Variants in ZFHX3 observed in about 807,000 individuals in gnomAD.
ZFHX3 encodes the protein zinc finger homeobox protein 3.
A neutral mutation model predicts 279.1 loss-of-function variants in ZFHX3; 42 were observed. The ratio of observed to expected loss-of-function variants is 0.15; its 90% CI spans 0.12 to 0.19. The LOEUF is 0.19. Ranked by LOEUF, ZFHX3 falls within the 10% of genes least tolerant of loss-of-function variation. The pLI is 1.00. For missense variants in ZFHX3, 4,981 were observed against 4,754.0 expected (o/e 1.05, Z -1.40); for synonymous variants, 2,293 against 1,957.8 (o/e 1.17, Z -4.52).
intron 1 of ZFHX3, among the ~76,000 whole-genome samples, chr16:73,793,371 C>T (rs1411410905): frequency 3.3e-5 from 5 of 152,182 alleles, no homozygotes; most frequent in Non-Finnish European, 7.3e-5. Flanking sequence ...CTGAAAGCCA[C>T]CTGTGTTGGT....
chr16:73,874,377 C>A (rs1441918814), intron 1 of ZFHX3, among the ~76,000 whole-genome samples: 1 of 152,192 alleles, frequency 6.6e-6, no homozygotes, highest in African/African-American at 2.4e-5. Flanking sequence ...TAACCCCCGA[C>A]TGAGTTCTAA....
chr16:73,873,437 C>G (rs2029875192), intron 1 of ZFHX3, among the ~76,000 whole-genome samples: 1 of 150,490 alleles, frequency 6.6e-6, no homozygotes, highest in Non-Finnish European at 1.5e-5. Flanking sequence ...AGAGAAAATC[C>G]TCCCACTCAT....
chr16:72,972,282 C>A (rs1962140108), intron 1 of ZFHX3, among the ~76,000 whole-genome samples: 1 of 152,114 alleles, frequency 6.6e-6, no homozygotes, highest in South Asian at 2.1e-4. Context: ...GATCCCTCCC[C>A]CTTGAGTTCC....
intron 2 of ZFHX3, among the ~76,000 whole-genome samples, chr16:73,483,781 T>C (rs1472780549): frequency 6.6e-6 from 1 of 152,116 alleles, no homozygotes; most frequent in Non-Finnish European, 1.5e-5. Context: ...TTGGCAGCCA[T>C]GGTAATTGGG....
In ZFHX3 at chr16:72,958,644, T is replaced by C. The variant is rs1961385783; in HGVS notation, c.1502A>G (p.Glu501Gly). Residue 501 changes from glutamate to glycine, a missense_variant, in exon 2 of 10, where the codon GAG (glutamate) becomes GGG (glycine). Around this residue, in one of 7 missense-constraint regions of ZFHX3, gnomAD observed 1,068 missense variants for 935.2 expected, o/e 1.14. Coordinates refer to ENST00000268489, the MANE Select transcript of ZFHX3 (RefSeq NM_006885.4). ...CKGLFPSELD[E>G]ELEDRPHEEP... The stretch of plus-strand genomic sequence containing the variant: ...CTCATGGGGCCTGTCCTCCAGTTCC[T>C]CATCCAACTCGCTTGGAAAGAGTCC... 6.2e-7 allele frequency: 1 copy of C among 1,614,046 alleles called. No homozygotes were observed.
chr16:72,863,537 C>CAGAGAGAGAG lies in ZFHX3; in HGVS notation c.3448+26184_3448+26193dup, dbSNP rs374148445. Among the ~76,000 whole-genome samples the CAGAGAGAGAG allele has an allele frequency of 8.8e-5, 13 of 148,338 alleles. No individual in the cohort carries two copies. In the East Asian group the frequency reaches 1.2e-3, roughly 14 times the overall value. ...AGAGAGAGACAGAGACAGAGACAGA[C>CAGAGAGAGAG]AGAGAGAGAGAGAGAGAAAGAAATA... On this transcript the variant is annotated intron_variant, in intron 4 of 9. Transcript: ENST00000268489.
rs200064167 is a variant in ZFHX3 at position 72,842,635 on chromosome 16, GT to G, written c.3449-12777del. 8.7e-3 allele frequency among the ~76,000 whole-genome samples: 1,325 copies of G among 152,246 alleles called. 26 individuals carry two copies. Among genetic ancestry groups the G allele is most frequent in the African/African-American group, 0.028 (1,147 of 41,532 alleles). On this transcript the variant is annotated intron_variant, in intron 4 of 9. Coordinates refer to ENST00000268489, the MANE Select transcript of ZFHX3 (RefSeq NM_006885.4). The stretch of plus-strand genomic sequence containing the variant: ...AAGCAAAATCTTCAAATAGGAGGAG[GT>G]CGGAGGAAGGAGATTTAGATGGCAA...
intron 3 of ZFHX3, among the ~76,000 whole-genome samples, chr16:73,385,060 G>T (rs927113028): frequency 1.3e-5 from 2 of 152,116 alleles, no homozygotes; most frequent in East Asian, 1.9e-4. Flanking sequence ...ATTTCATGAC[G>T]CTAAGAAGGC....
chr16:73,675,242 G>A (rs1039268743), intron 2 of ZFHX3, among the ~76,000 whole-genome samples: 1 of 152,048 alleles, frequency 6.6e-6, no homozygotes, highest in Non-Finnish European at 1.5e-5. Flanking sequence ...GCATGGGAGG[G>A]GGACCAGGGA....
chr16:72,850,037 G>A (rs535250407), intron 4 of ZFHX3, among the ~76,000 whole-genome samples: 1 of 152,272 alleles, frequency 6.6e-6, no homozygotes, highest in South Asian at 2.1e-4. Flanking sequence ...GAGCAAACAA[G>A]AGGATTAGAG....
intron 3 of ZFHX3, among the ~76,000 whole-genome samples, chr16:73,424,795 A>T (rs2017782871): frequency 6.6e-6 from 1 of 151,908 alleles, no homozygotes; most frequent in Non-Finnish European, 1.5e-5. Context: ...AAAAGAAAAA[A>T]AAGAACTAGT....
chr16:72,929,848 G>A (rs1446623790), intron 3 of ZFHX3, among the ~76,000 whole-genome samples: 2 of 152,242 alleles, frequency 1.3e-5, no homozygotes, highest in Non-Finnish European at 2.9e-5. Flanking sequence ...TGAACCGAAT[G>A]CAGTCACATG....
Position 72,794,344 on chromosome 16 carries a change from C to A in ZFHX3, c.8338G>T (p.Gly2780Cys). The A allele has an allele frequency of 6.2e-7, 1 of 1,603,448 alleles. No individual in the cohort carries two copies. Among genetic ancestry groups the A allele is most frequent in the Non-Finnish European group, 8.5e-7 (1 of 1,174,438 alleles). ...FSHLPPSSSD[G>C]QGVPLSPVSK... ...ACAGGTGAGAGGGGGACACCCTGAC[C>A]ATCACTACTGCTTGGGGGTAGGTGG... is the stretch of plus-strand genomic sequence containing the variant. The change falls in exon 9 of 10, where the codon GGT (glycine) becomes TGT (cysteine). Residue 2780 changes from glycine to cysteine, a missense_variant. Physicochemically the swap from Gly to Cys is radical, Grantham distance 159. Around this residue, in one of 7 missense-constraint regions of ZFHX3, gnomAD observed 744 missense variants for 701.3 expected, o/e 1.06. Transcript: ENST00000268489. This position sits in a 1 kb window ranked among gnomAD's most constrained non-coding sequence, Gnocchi z 4.2.
At chr16:72,818,558 C>T (rs900305395) in intron 5 of ZFHX3, among the ~76,000 whole-genome samples, 1 of 152,192 alleles carries the variant, frequency 6.6e-6, no homozygotes, top group African/African-American at 2.4e-5. Flanking sequence ...CTGCCTCCAA[C>T]CAAGCACTTA....
intron 5 of ZFHX3, among the ~76,000 whole-genome samples, chr16:73,183,444 G>C (rs1399279211): frequency 6.6e-6 from 1 of 152,206 alleles, no homozygotes; most frequent in Non-Finnish European, 1.5e-5. Context: ...TTGCTCTCTG[G>C]TCCTTTTGCA....
intron 8 of ZFHX3, among the ~76,000 whole-genome samples, chr16:73,086,908 A>C (rs1966017291): frequency 6.6e-6 from 1 of 152,156 alleles, no homozygotes; most frequent in African/African-American, 2.4e-5. Flanking sequence ...GTCTCAAAAA[A>C]CAAAACAAAA....
intron 5 of ZFHX3, among the ~76,000 whole-genome samples, chr16:73,240,780 C>T (rs772168688): frequency 3.9e-5 from 6 of 152,164 alleles, no homozygotes; most frequent in South Asian, 2.1e-4. Flanking sequence ...TTTGCAAATA[C>T]GGAATCTGTG....
intron 3 of ZFHX3, among the ~76,000 whole-genome samples, chr16:73,455,536 A>G (rs1481692657): frequency 6.6e-6 from 1 of 152,194 alleles, no homozygotes; most frequent in Non-Finnish European, 1.5e-5. Context: ...TGTGGAAGCC[A>G]GCAAAAGCTC....
At chr16:73,122,293 C>T (rs1244759670) in intron 7 of ZFHX3, among the ~76,000 whole-genome samples, 1 of 151,978 alleles carries the variant, frequency 6.6e-6, no homozygotes, top group Non-Finnish European at 1.5e-5. Context: ...GCAACCTCCA[C>T]TTCCCGGGTT....
Sources: gnomAD v4.1 joint callset for allele counts (sites outside exome capture counted in the v4.1 genomes callset) on GRCh38, gnomAD v4.1.1 for gene constraint, gnomAD v4.1.1 regional missense constraint, Gnocchi (gnomAD v3.1) non-coding constraint, MANE v1.5 for transcripts, NCBI Gene and HGNC (gene_info 2026-07-23, HGNC 2026-07-21) for gene names.